The following CCNT2 variants were observed in gnomAD, a reference collection of about 807,000 sequenced individuals.
CCNT2 encodes the protein cyclin T2.
Under a neutral mutation model 70.0 loss-of-function variants are expected in CCNT2, and 18 were observed. The ratio of observed to expected loss-of-function variants is 0.26; its 90% CI spans 0.18 to 0.38. The LOEUF is 0.38. Among genes scored for constraint, CCNT2 ranks in the 10% least tolerant of loss-of-function variants. The pLI is 1.00. For synonymous variants in CCNT2, 334 were observed against 313.3 expected, an observed-to-expected ratio of 1.07 and a Z score of -0.70; for missense variants, 734 against 890.2, an observed-to-expected ratio of 0.82 and a Z score of 2.23.
chr2:134,950,124 T>TATATA (rs1573858629), intron 7 of CCNT2, among the ~76,000 whole-genome samples: 1 of 152,238 alleles, frequency 6.6e-6, no homozygotes. Flanking sequence ...ATAGTTTATA[T>TATATA]ACCTGGTGCT....
rs148548305 is a variant in CCNT2, at chr2:134,921,205, A to T, written c.240+1314A>T. 2.9e-3 allele frequency among the ~76,000 whole-genome samples: 445 copies of T among 152,296 alleles called. 4 individuals carry two copies. Among genetic ancestry groups the T allele is most frequent in the African/African-American group, 0.01 (428 of 41,572 alleles). On this transcript the variant is annotated intron_variant, in intron 2 of 8. Coordinates refer to ENST00000264157, the MANE Select transcript of CCNT2 (RefSeq NM_058241.3). ...ATATAAATTTGGCATTCCTTACGTA[A>T]CCCTGGATAATAATGGTAGAAATTA...
chr2:134,929,464 C>G (rs1336147147), intron 2 of CCNT2, among the ~76,000 whole-genome samples: 1 of 151,388 alleles, frequency 6.6e-6, no homozygotes, highest in Non-Finnish European at 1.5e-5. Flanking sequence ...AAAAATTAGC[C>G]CGGCATCTTG....
chr2:134,943,414 T>G, intron 5 of CCNT2: 1 of 984,898 alleles, frequency 1.0e-6, no homozygotes. Flanking sequence ...AAAAAAAAGT[T>G]ATTTTTGTGG....
chr2:134,930,011 C>A (rs2105030526), intron 2 of CCNT2, among the ~76,000 whole-genome samples: 1 of 152,094 alleles, frequency 6.6e-6, no homozygotes, highest in Non-Finnish European at 1.5e-5. Flanking sequence ...AGATACAATT[C>A]ATATACCGTA....
Position 134,954,450 on chromosome 2 carries a change from C to A in CCNT2, c.1995C>A (p.Pro665=), listed in dbSNP as rs1559118671. 1 of 1,614,150 alleles carries A rather than the reference C, an allele frequency of 6.2e-7. No homozygotes were observed. Among genetic ancestry groups the A allele is most frequent in the Non-Finnish European group, 8.5e-7 (1 of 1,180,030 alleles). The change falls in exon 9 of 9, where the codon CCC becomes CCA. Residue 665 remains proline, a synonymous_variant. Transcript: ENST00000264157. The stretch of plus-strand genomic sequence containing the variant: ...CTCACAACTCTGTTTTTAACCATCC[C>A]TTACCCCCTCCTCCCCCTGTCACAT... ...ISSHNSVFNH[P]LPPPPPVTYQ...
chr2:134,954,713 C>A lies in CCNT2; in HGVS notation c.*65C>A, dbSNP rs1682820646. 1.0e-5 allele frequency: 11 copies of A among 1,096,094 alleles called. No homozygotes were observed. Among genetic ancestry groups the A allele is most frequent in the Non-Finnish European group, 1.4e-5 (10 of 736,024 alleles). The allele number at this position is 1,096,094 out of a possible 1,614,324, so 67.9% of individuals were successfully genotyped here. On this transcript the variant is annotated 3_prime_UTR_variant, in exon 9 of 9. Transcript: ENST00000264157. Reference sequence around the variant, plus strand: ...TAAAAATTGTTAGAATGGAAAAATTCCTTCTGATCTAGCAGTGGTAACCCC... The same window carrying A: ...TAAAAATTGTTAGAATGGAAAAATTACTTCTGATCTAGCAGTGGTAACCCC...
chr2:134,949,833 G>A lies in CCNT2; in HGVS notation c.703+1934G>A, dbSNP rs752256527. Among the ~76,000 whole-genome samples, 118 of 148,962 alleles carry A rather than the reference G, an allele frequency of 7.9e-4. 1 individual carries two copies. The Middle Eastern group carries it at 0.011, about 14-fold the overall frequency. On this transcript the variant is annotated intron_variant, in intron 7 of 8. Coordinates refer to ENST00000264157, the MANE Select transcript of CCNT2 (RefSeq NM_058241.3). ...GGGGGTGGGGGACAGAGTCTCAGTC[G>A]CCCAGGCTATAGAGTGCGGTGGCGC...
At chr2:134,944,758 G>A (rs1390838870) in intron 5 of CCNT2, 2 of 985,034 alleles carry the variant, frequency 2.0e-6, no homozygotes, top group Non-Finnish European at 2.4e-6. Context: ...GTGTCTTTTT[G>A]TTTTCTTTGC....
intron 2 of CCNT2, 71 bp from the exon 3 acceptor site, chr2:134,936,765 CAGAAA>C (rs1200781862): frequency 2.9e-4 from 390 of 1,337,198 alleles, no homozygotes; most frequent in Admixed American, 4.8e-4. Flanking sequence ...AAAAAAAAAA[CAGAAA>C]AGAAAAGAAA....
chr2:134,919,027 T>C lies in CCNT2; in HGVS notation c.158+15T>C. 6.3e-7 allele frequency: 1 copy of C among 1,584,888 alleles called. No individual in the cohort carries two copies. On this transcript the variant is annotated intron_variant, in intron 1 of 8. Transcript: ENST00000264157. ...CGTCTCAATGTGTATCCTTTTCTGT[T>C]CGCCGCCGCTCACGCCCTGTTTCCC...
At chr2:134,940,643 A>G (rs1488344332) in intron 4 of CCNT2, among the ~76,000 whole-genome samples, 1 of 152,200 alleles carries the variant, frequency 6.6e-6, no homozygotes, top group Non-Finnish European at 1.5e-5. Context: ...ATGAGTATCC[A>G]CGTAAAATGC....
At chr2:134,928,705 T>G (rs1680495004) in intron 2 of CCNT2, among the ~76,000 whole-genome samples, 1 of 152,080 alleles carries the variant, frequency 6.6e-6, no homozygotes, top group African/African-American at 2.4e-5. Context: ...CACACTAATC[T>G]TAAACTGAGG....
chr2:134,937,241 G>A (rs1055430414), intron 3 of CCNT2, among the ~76,000 whole-genome samples: 7 of 152,200 alleles, frequency 4.6e-5, no homozygotes, highest in African/African-American at 1.7e-4. Context: ...GTTGTTCAGA[G>A]TTATGATATA....
chr2:134,948,141 C>T (rs1321101070), intron 7 of CCNT2, among the ~76,000 whole-genome samples: 1 of 151,960 alleles, frequency 6.6e-6, no homozygotes, highest in Non-Finnish European at 1.5e-5. Flanking sequence ...GCAACATAGA[C>T]CCTGTCTCTA....
intron 2 of CCNT2, among the ~76,000 whole-genome samples, chr2:134,923,431 C>T (rs957069176): frequency 5.3e-5 from 8 of 152,178 alleles, no homozygotes; most frequent in African/African-American, 1.9e-4. Flanking sequence ...TAGCTTACTT[C>T]TCTTTCTGCC....
At chr2:134,925,985 C>T (rs1680271948) in intron 2 of CCNT2, among the ~76,000 whole-genome samples, 1 of 151,318 alleles carries the variant, frequency 6.6e-6, no homozygotes, top group Non-Finnish European at 1.5e-5. Context: ...CCCACCTTAG[C>T]CTCCCAAGTA....
chr2:134,921,211 GATA>G (rs1679874529), intron 2 of CCNT2, among the ~76,000 whole-genome samples: 1 of 152,110 alleles, frequency 6.6e-6, no homozygotes, highest in Non-Finnish European at 1.5e-5. Flanking sequence ...CGTAACCCTG[GATA>G]ATAATGGTAG....
intron 7 of CCNT2, among the ~76,000 whole-genome samples, chr2:134,950,641 A>T (rs182899979): frequency 6.6e-6 from 1 of 151,390 alleles, no homozygotes; most frequent in Non-Finnish European, 1.5e-5. Flanking sequence ...GTCTGGGGGG[A>T]AAAAAAAAGA....
At chr2:134,936,746 C>G (rs1019353375) in intron 2 of CCNT2, 95 bp from the exon 3 acceptor site, 35 of 1,137,560 alleles carry the variant, frequency 3.1e-5, no homozygotes, top group Admixed American at 7.2e-5. Context: ...AGGAGCGAAA[C>G]TCCACCTCAA....
Sources: allele counts gnomAD v4.1 joint callset (sites outside exome capture counted in the v4.1 genomes callset), GRCh38; gene constraint gnomAD v4.1.1; transcripts MANE v1.5; gene names NCBI Gene and HGNC (gene_info 2026-07-23, HGNC 2026-07-21).